RBL1: variants seen among roughly 807,000 people sequenced by gnomAD.
The protein encoded by RBL1 is retinoblastoma-like protein 1.
In RBL1, 82 loss-of-function variants were observed where a neutral mutation model predicts 123.0. The ratio of observed to expected loss-of-function variants is 0.67; its 90% CI spans 0.56 to 0.80. The LOEUF is 0.80. RBL1 is among the 30% of genes least tolerant of loss of function. The probability of loss-of-function intolerance (pLI) is 0.00; values close to 1 mark genes in which losing one functional copy is unlikely to be tolerated. For missense variants in RBL1, 1,171 were observed against 1,299.6 expected (o/e 0.90, Z 1.52); for synonymous variants, 405 against 441.3 (o/e 0.92, Z 1.03).
At chr20:37,032,107 G>GA in intron 16 of RBL1, among the ~76,000 whole-genome samples, 1 of 151,788 alleles carries the variant, frequency 6.6e-6, no homozygotes, top group Non-Finnish European at 1.5e-5. Flanking sequence ...CCAAAAGGTA[G>GA]AAGCAACCCA....
In RBL1 at chr20:37,061,180, G is replaced by A; in HGVS notation, c.1173C>T (p.Thr391=). ...TACTCTGTAACCGGCTCACACTTTG[G>A]GTGGCTGATGCAACAGGAGTAATGA... ...EAVITPVASA[T]QSVSRLQSIV... The change falls in exon 9 of 22, where the codon ACC becomes ACT. Residue 391 remains threonine, a synonymous_variant. Coordinates refer to ENST00000373664, the MANE Select transcript of RBL1 (RefSeq NM_002895.5). The A allele has an allele frequency of 6.2e-7, 1 of 1,613,856 alleles. No homozygotes were observed. Among genetic ancestry groups the A allele is most frequent in the East Asian group, 2.2e-5 (1 of 44,870 alleles).
rs902908082 is a variant in RBL1 at position 37,066,628 on chromosome 20, G to A, written c.846+96C>T. On this transcript the variant is annotated intron_variant, in intron 6 of 21. Transcript: ENST00000373664. ...TAAAGCCTGGGAATCCTGACCCTAA[G>A]TTCTATAATGCTGAGAACTTGCTTA... is the stretch of plus-strand genomic sequence containing the variant. 2.6e-5 allele frequency: 30 copies of A among 1,161,176 alleles called. No individual in the cohort carries two copies. In the African/African-American group the frequency reaches 3.2e-4, roughly 13 times the overall value. The allele number at this position is 1,161,176 out of a possible 1,614,324, so 71.9% of individuals were successfully genotyped here. A position where few individuals can be genotyped will look rare whatever the true frequency, so the allele number is the denominator to read the frequency against.
intron 2 of RBL1, among the ~76,000 whole-genome samples, chr20:37,077,951 T>C (rs114159050): frequency 0.01 from 1,575 of 152,294 alleles, 28 homozygotes; most frequent in African/African-American, 0.036. Flanking sequence ...TCCAGTAGCA[T>C]GTATTGCATT....
chr20:37,007,331 A>T (rs1600446961), intron 20 of RBL1, 80 bp downstream of exon 20: 1 of 1,461,488 alleles, frequency 6.8e-7, no homozygotes, highest in Non-Finnish European at 9.4e-7. Flanking sequence ...TTACTTGGAC[A>T]TATTTATCTA....
chr20:37,090,732 T>A (rs936242469), intron 1 of RBL1, among the ~76,000 whole-genome samples: 4 of 152,194 alleles, frequency 2.6e-5, no homozygotes. Flanking sequence ...TATGGTATGC[T>A]TATTGTTTCT....
intron 9 of RBL1, among the ~76,000 whole-genome samples, chr20:37,058,683 A>G (rs2065050994): frequency 6.6e-6 from 1 of 151,930 alleles, no homozygotes; most frequent in Non-Finnish European, 1.5e-5. Flanking sequence ...GGGATTACAG[A>G]TATGTGCCAT....
chr20:37,042,010 T>C (rs2064735662), intron 13 of RBL1, among the ~76,000 whole-genome samples: 1 of 149,320 alleles, frequency 6.7e-6, no homozygotes, highest in Non-Finnish European at 1.5e-5. Context: ...GAGGTGGAGC[T>C]TGCAGTGAGC....
At chr20:37,040,544 G>T (rs1342500143) in intron 13 of RBL1, among the ~76,000 whole-genome samples, 1 of 151,982 alleles carries the variant, frequency 6.6e-6, no homozygotes, top group Admixed American at 6.6e-5. Flanking sequence ...GGAGAGACGA[G>T]GTTTCACCAT....
Position 37,024,143 on chromosome 20 carries a change from T to A in RBL1, c.2383-1317A>T, listed in dbSNP as rs184702584. 2.0e-5 allele frequency among the ~76,000 whole-genome samples: 3 copies of A among 152,234 alleles called. No individual in the cohort carries two copies. The East Asian group carries it at 5.8e-4, about 29-fold the overall frequency. On this transcript the variant is annotated intron_variant, in intron 16 of 21. Coordinates refer to ENST00000373664, the MANE Select transcript of RBL1 (RefSeq NM_002895.5). ...AAAAGTTACCCCTTACAGAAAATTA[T>A]CTTTGGCAGAAAAATACCTACAAAC...
intron 16 of RBL1, among the ~76,000 whole-genome samples, chr20:37,027,009 A>C (rs1279881616): frequency 7.2e-6 from 1 of 139,532 alleles, no homozygotes; most frequent in African/African-American, 2.6e-5. Context: ...TTAAAAAAAA[A>C]CAACAAAAAA....
chr20:36,996,576 G>C lies in RBL1; in HGVS notation c.*2183C>G, dbSNP rs2063891793. On this transcript the variant is annotated 3_prime_UTR_variant, in exon 22 of 22. Transcript: ENST00000373664. ...TCTCATGTCAGTCTCCTGAGTAGCT[G>C]GGACTACAGGCACATGCCATCACAC... 6.6e-6 allele frequency: 1 copy of C among 152,216 alleles called. No individual in the cohort carries two copies. Among genetic ancestry groups the C allele is most frequent in the African/African-American group, 2.4e-5 (1 of 41,432 alleles). 9.4% of individuals were successfully genotyped at this position (152,216 alleles called of 1,614,324 possible). A position where few individuals can be genotyped will look rare whatever the true frequency, so the allele number is the denominator to read the frequency against.
intron 19 of RBL1, among the ~76,000 whole-genome samples, chr20:37,012,054 G>A (rs1406922978): frequency 2.6e-5 from 4 of 152,334 alleles, no homozygotes; most frequent in South Asian, 4.1e-4. Context: ...TGGTGGAGAC[G>A]GGGTTTCGCT....
rs539904801 is a variant in RBL1 at position 37,040,414 on chromosome 20, C to T, written c.1771-129G>A. The T allele has an allele frequency of 1.6e-4, 221 of 1,355,132 alleles. 1 individual carries two copies. In the African/African-American group the frequency reaches 1.9e-3, roughly 12 times the overall value. The allele number at this position is 1,355,132 out of a possible 1,614,324, so 83.9% of individuals were successfully genotyped here. A position where few individuals can be genotyped will look rare whatever the true frequency, so the allele number is the denominator to read the frequency against. ...TTGCCCAGGCTGGAATGCAGTGGCA[C>T]GATTTCAGCTCACAGCAACCTCCAA... On this transcript the variant is annotated intron_variant, in intron 13 of 21. Coordinates refer to ENST00000373664, the MANE Select transcript of RBL1 (RefSeq NM_002895.5).
At position 36,998,675 on chromosome 20, in the gene RBL1, T is replaced by C. The variant is rs1600422781; in HGVS notation, c.*84A>G. On this transcript the variant is annotated 3_prime_UTR_variant, in exon 22 of 22. Coordinates refer to ENST00000373664, the MANE Select transcript of RBL1 (RefSeq NM_002895.5). Reference sequence around the variant, plus strand: ...ATAACCCAGTGATATTTATCATCTATAGGGCTAAAAGGTTTGAAGGACAGA... The same window carrying C: ...ATAACCCAGTGATATTTATCATCTACAGGGCTAAAAGGTTTGAAGGACAGA... 2.4e-6 allele frequency: 3 copies of C among 1,267,630 alleles called. No homozygotes were observed. The highest frequency in any genetic ancestry group is 2.4e-5 in the East Asian group (1 of 40,890). 78.5% of individuals were successfully genotyped at this position (1,267,630 alleles called of 1,614,324 possible).
chr20:37,067,766 C>CAAAAAAAA (rs1168742059), intron 3 of RBL1, among the ~76,000 whole-genome samples: 5 of 62,682 alleles, frequency 8.0e-5, no homozygotes, highest in East Asian at 7.8e-4. Context: ...TGAGACTCCT[C>CAAAAAAAA]AAAAAAAAAA....
intron 2 of RBL1, among the ~76,000 whole-genome samples, chr20:37,070,195 A>T (rs1009512301): frequency 3.3e-5 from 5 of 152,042 alleles, no homozygotes; most frequent in Non-Finnish European, 5.9e-5. Flanking sequence ...CTCTGAAACA[A>T]GTGCTGTGTC....
In RBL1 at chr20:37,035,289, G is replaced by A. The variant is rs1450004435; in HGVS notation, c.2123C>T (p.Ala708Val). The A allele has an allele frequency of 1.9e-6, 3 of 1,613,810 alleles. No homozygotes were observed. Residue 708 changes from alanine to valine, a missense_variant, in exon 15 of 22, where the codon GCC (alanine) becomes GTC (valine). Transcript: ENST00000373664. The stretch of plus-strand genomic sequence containing the variant: ...ATGTCCTGTTGTTCCTGTTACTGGG[G>A]CTGTGGCCATTGTTAGAAGAGTTTG... ...PGQTLLTMAT[A>V]PVTGTTGHKV...
At chr20:37,058,906 A>T (rs1055222930) in intron 9 of RBL1, among the ~76,000 whole-genome samples, 2 of 151,402 alleles carry the variant, frequency 1.3e-5, no homozygotes, top group African/African-American at 4.9e-5. Context: ...TAATTTTTAA[A>T]TTTTTTCTGT....
intron 7 of RBL1, among the ~76,000 whole-genome samples, chr20:37,064,800 C>T (rs771800672): frequency 6.6e-6 from 1 of 151,854 alleles, no homozygotes; most frequent in African/African-American, 2.4e-5. Context: ...AGTAGAGATG[C>T]GGTTTCACCA....
Sources: gnomAD v4.1 joint callset for allele counts (sites outside exome capture counted in the v4.1 genomes callset) on GRCh38, gnomAD v4.1.1 for gene constraint, MANE v1.5 for transcripts, NCBI Gene and HGNC (gene_info 2026-07-23, HGNC 2026-07-21) for gene names.